SMARCC1: variants seen among roughly 807,000 people sequenced by gnomAD.
The protein encoded by SMARCC1 is SWI/SNF complex subunit SMARCC1.
A neutral mutation model predicts 147.4 loss-of-function variants in SMARCC1; 43 were observed. The observed-to-expected ratio is 0.29, with a 90% CI of 0.23 to 0.38. The LOEUF (loss-of-function observed/expected upper bound fraction) is 0.38. SMARCC1 is among the 10% of genes least tolerant of loss of function. SMARCC1 has a pLI of 1.00. For missense variants in SMARCC1, 1,119 were observed against 1,381.1 expected (o/e 0.81, Z 3.01); for synonymous variants, 495 against 484.4 (o/e 1.02, Z -0.29).
At chr3:47,617,638 G>C (rs1473549310) in intron 25 of SMARCC1, among the ~76,000 whole-genome samples, 1 of 152,210 alleles carries the variant, frequency 6.6e-6, no homozygotes, top group Non-Finnish European at 1.5e-5. Flanking sequence ...TCATAGCTTT[G>C]CTTCCCACAG....
At chr3:47,693,642 A>C (rs992443427) in intron 11 of SMARCC1, among the ~76,000 whole-genome samples, 1 of 152,176 alleles carries the variant, frequency 6.6e-6, no homozygotes, top group African/African-American at 2.4e-5. Context: ...TTCTTTTAAA[A>C]AAAATTAAGG....
At chr3:47,736,219 T>A in intron 4 of SMARCC1, 93 bp from the exon 5 acceptor site, 1 of 656,662 alleles carries the variant, frequency 1.5e-6, no homozygotes, top group Non-Finnish European at 2.6e-6. Flanking sequence ...CAGATAACCT[T>A]TTCTGCCACA....
chr3:47,721,009 T>C (rs1278751894), intron 6 of SMARCC1, among the ~76,000 whole-genome samples: 1 of 152,106 alleles, frequency 6.6e-6, no homozygotes, highest in Non-Finnish European at 1.5e-5. Context: ...AATACTCCCA[T>C]CCCATTCACC....
intron 26 of SMARCC1, among the ~76,000 whole-genome samples, chr3:47,601,183 C>T (rs1454763569): frequency 6.7e-6 from 1 of 150,362 alleles, no homozygotes; most frequent in African/African-American, 2.5e-5. Context: ...AAAAGCTTTG[C>T]TAAAATTAGG....
chr3:47,722,414 C>T (rs1178484703), intron 6 of SMARCC1, among the ~76,000 whole-genome samples: 2 of 151,298 alleles, frequency 1.3e-5, no homozygotes, highest in Non-Finnish European at 1.5e-5. Flanking sequence ...TTTCCTGCCT[C>T]AGCCTCCCAA....
At chr3:47,599,444 C>G (rs1355900316) in intron 26 of SMARCC1, among the ~76,000 whole-genome samples, 2 of 152,190 alleles carry the variant, frequency 1.3e-5, no homozygotes, top group African/African-American at 4.8e-5. Flanking sequence ...GCCTTAGGCA[C>G]TATATTTAAG....
rs200474738 is a variant in SMARCC1, at chr3:47,755,333, T to TA, written c.316-9341dup. Among the ~76,000 whole-genome samples the TA allele has an allele frequency of 3.8e-3, 563 of 146,964 alleles. 3 individuals carry two copies. The highest frequency in any genetic ancestry group is 0.013 in the African/African-American group (526 of 39,998). ...CTGGCTAACAAGGTGAAACCCTGTC[T>TA]AAAAAAAAATACAAAAATTAGACAG... On this transcript the variant is annotated intron_variant, in intron 2 of 27. Coordinates refer to ENST00000254480, the MANE Select transcript of SMARCC1 (RefSeq NM_003074.4).
intron 24 of SMARCC1, 54 bp from the exon 25 acceptor site, chr3:47,622,395 T>C: frequency 1.3e-6 from 2 of 1,542,382 alleles, no homozygotes; most frequent in Non-Finnish European, 1.8e-6. Flanking sequence ...TTAAAGAACA[T>C]TAAGAAAATG....
chr3:47,669,453 G>A (rs193223587), intron 19 of SMARCC1, among the ~76,000 whole-genome samples: 144 of 152,140 alleles, frequency 9.5e-4, no homozygotes, highest in Non-Finnish European at 5.1e-4. Context: ...CTGAAAACAC[G>A]GTTCATTTTA....
At position 47,717,271 on chromosome 3, in the gene SMARCC1, A is replaced by C. The variant is rs1046972631; in HGVS notation, c.717-2781T>G. Among the ~76,000 whole-genome samples, 3 of 152,190 alleles carry C rather than the reference A, an allele frequency of 2.0e-5. No homozygotes were observed. The East Asian group carries it at 5.8e-4, about 29-fold the overall frequency. On this transcript the variant is annotated intron_variant, in intron 7 of 27. Transcript: ENST00000254480. Reference sequence around the variant, plus strand: ...CTGACTAACCTTAGATCCGGCTACCAATTTAAGGGAAATACAGAGAACACA... The same window carrying C: ...CTGACTAACCTTAGATCCGGCTACCCATTTAAGGGAAATACAGAGAACACA...
chr3:47,718,310 T>C (rs2034184637), intron 7 of SMARCC1, among the ~76,000 whole-genome samples: 1 of 151,864 alleles, frequency 6.6e-6, no homozygotes, highest in Admixed American at 6.6e-5. Context: ...CCAGGTGTGG[T>C]GGCATGCGCC....
chr3:47,658,768 C>T (rs1485911946), intron 21 of SMARCC1, among the ~76,000 whole-genome samples: 3 of 152,114 alleles, frequency 2.0e-5, no homozygotes, highest in Non-Finnish European at 4.4e-5. Flanking sequence ...CTATAAGACA[C>T]AAACTACCAA....
At chr3:47,726,870 T>A (rs1559655584) in intron 6 of SMARCC1, among the ~76,000 whole-genome samples, 1 of 152,336 alleles carries the variant, frequency 6.6e-6, no homozygotes, top group Middle Eastern at 3.4e-3. Flanking sequence ...CTCCATGTTA[T>A]TAGCATGTGT....
chr3:47,776,865 C>A lies in SMARCC1; in HGVS notation c.196-3929G>T, dbSNP rs191504961. ...TCTCAGCTCAGCACAACCTCCGCCT[C>A]CCGGGTTCAAGCAATTCTCCTCCCT... On this transcript the variant is annotated intron_variant, in intron 1 of 27. Coordinates refer to ENST00000254480, the MANE Select transcript of SMARCC1 (RefSeq NM_003074.4). Among the ~76,000 whole-genome samples, 8 of 152,046 alleles carry A rather than the reference C, an allele frequency of 5.3e-5. No individual in the cohort carries two copies. In the East Asian group the frequency reaches 1.5e-3, roughly 29 times the overall value.
chr3:47,590,491 A>G (rs2032159174), intron 27 of SMARCC1, among the ~76,000 whole-genome samples, 170 bp downstream of exon 27: 1 of 152,178 alleles, frequency 6.6e-6, no homozygotes, highest in Admixed American at 6.5e-5. Context: ...CCTGTCCATC[A>G]GGGGTGCTGA....
chr3:47,639,001 A>G (rs1442503912), intron 21 of SMARCC1, among the ~76,000 whole-genome samples: 2 of 152,206 alleles, frequency 1.3e-5, no homozygotes, highest in East Asian at 1.9e-4. Context: ...CACTCAGAAC[A>G]GTGGTTAACA....
chr3:47,673,612 C>T (rs920881600), intron 18 of SMARCC1, among the ~76,000 whole-genome samples: 4 of 152,100 alleles, frequency 2.6e-5, no homozygotes, highest in Admixed American at 2.0e-4. Flanking sequence ...TCACTTGAAC[C>T]GTGGAGGTGG....
chr3:47,755,539 TAA>T (rs925127019), intron 2 of SMARCC1, among the ~76,000 whole-genome samples: 1 of 139,122 alleles, frequency 7.2e-6, no homozygotes. Flanking sequence ...AAAGCGAATT[TAA>T]AAAAAAAAAG....
At chr3:47,616,313 G>A (rs538659471) in intron 25 of SMARCC1, among the ~76,000 whole-genome samples, 86 of 152,272 alleles carry the variant, frequency 5.6e-4, no homozygotes, top group Non-Finnish European at 1.0e-3. Context: ...GAACTGGAAT[G>A]CTTTTCTCAT....
Sources: allele counts gnomAD v4.1 joint callset (sites outside exome capture counted in the v4.1 genomes callset), GRCh38; gene constraint gnomAD v4.1.1; transcripts MANE v1.5; gene names NCBI Gene and HGNC (gene_info 2026-07-23, HGNC 2026-07-21).